Variants in RNF43 observed in about 807,000 individuals in gnomAD.
The protein encoded by RNF43 is ring finger protein 43, also known as E3 ubiquitin-protein ligase RNF43.
RNF43 carries 37 observed loss-of-function variants against 78.4 expected under a neutral mutation model. The ratio of observed to expected loss-of-function variants is 0.47; its 90% CI spans 0.36 to 0.62. The LOEUF (loss-of-function observed/expected upper bound fraction) is 0.62. Among genes scored for constraint, RNF43 ranks in the 20% least tolerant of loss-of-function variants. The probability of loss-of-function intolerance (pLI) is 0.00; values close to 1 mark genes in which losing one functional copy is unlikely to be tolerated. For missense variants in RNF43, 774 were observed against 1,007.9 expected (o/e 0.77, Z 3.14); for synonymous variants, 347 against 395.0 (o/e 0.88, Z 1.44).
At position 58,358,587 on chromosome 17, in the gene RNF43, G is replaced by A. The variant is rs531889929; in HGVS notation, c.1189C>T (p.Arg397Trp). 1.6e-5 allele frequency: 26 copies of A among 1,591,188 alleles called. No individual in the cohort carries two copies. The highest frequency in any genetic ancestry group is 1.7e-4 in the Middle Eastern group (1 of 5,954). ...HHRFPRAAHPRAPGEQQRLAG... is the reference protein window; with the variant it reads ...HHRFPRAAHPWAPGEQQRLAG... ...AGGCGCTGCTGCTCTCCTGGAGCCC[G>A]GGGATGTGCAGCTCTGGGGAAGCGG... The change falls in exon 9 of 10, where the codon CGG (arginine) becomes TGG (tryptophan). Residue 397 changes from arginine to tryptophan, a missense_variant. Arg to Trp is a moderately radical substitution (Grantham distance 101). Coordinates refer to ENST00000407977, the MANE Select transcript of RNF43 (RefSeq NM_017763.6). The surrounding 1 kb of genome is among the most constrained non-coding windows in gnomAD (Gnocchi z 6.2).
At chr17:58,409,519 CA>C (rs1466553849) in intron 2 of RNF43, among the ~76,000 whole-genome samples, 1 of 152,024 alleles carries the variant, frequency 6.6e-6, no homozygotes, top group Non-Finnish European at 1.5e-5. Flanking sequence ...AAAACAAAAA[CA>C]AAAAGCAAAA....
At chr17:58,366,056 C>T (rs565629617) in intron 3 of RNF43, among the ~76,000 whole-genome samples, 8 of 152,356 alleles carry the variant, frequency 5.3e-5, no homozygotes, top group South Asian at 2.1e-4. Flanking sequence ...GAAGCACCTA[C>T]CGTGCCCAGG....
chr17:58,396,509 TG>T (rs1342899010), intron 2 of RNF43, among the ~76,000 whole-genome samples: 1 of 151,934 alleles, frequency 6.6e-6, no homozygotes, highest in Non-Finnish European at 1.5e-5. Flanking sequence ...AAATAATGAG[TG>T]GAAGAGGGGA....
chr17:58,360,940 G>A lies in RNF43; in HGVS notation c.692C>T (p.Pro231Leu), dbSNP rs2680701. The A allele has an allele frequency of 0.17, 272,709 of 1,564,238 alleles. 25,898 individuals are homozygous for A. The highest frequency in any genetic ancestry group is 0.2 in the Non-Finnish European group (228,122 of 1,150,290). ...GGCCCAGGCTGTTCTCTGCTGAAGC[G>A]GATCCTGGGAAGAGGAATGGGGCTC... ...RCRPRHSRPDPLQQRTAWAIS... is the reference protein window; with the variant it reads ...RCRPRHSRPDLLQQRTAWAIS... Residue 231 changes from proline to leucine, a missense_variant, in exon 7 of 10, where the codon CCG becomes CTG. Pro to Leu is a moderately conservative substitution (Grantham distance 98). Coordinates refer to ENST00000407977, the MANE Select transcript of RNF43 (RefSeq NM_017763.6). This position sits in a 1 kb window ranked among gnomAD's most constrained non-coding sequence, Gnocchi z 4.3.
chr17:58,376,965 CCT>C (rs1346023464), intron 2 of RNF43, among the ~76,000 whole-genome samples: 3 of 152,144 alleles, frequency 2.0e-5, no homozygotes, highest in South Asian at 4.1e-4. Flanking sequence ...TTTTATACCC[CCT>C]GTGTAAAGAC....
chr17:58,367,923 A>C (rs947701714), intron 3 of RNF43, among the ~76,000 whole-genome samples: 2 of 147,736 alleles, frequency 1.4e-5, no homozygotes, highest in East Asian at 3.9e-4. Flanking sequence ...CATGGGGCTA[A>C]AAACTTCCAT....
intron 8 of RNF43, among the ~76,000 whole-genome samples, chr17:58,359,654 C>T (rs1276339301): frequency 6.6e-6 from 1 of 151,208 alleles, no homozygotes; most frequent in Non-Finnish European, 1.5e-5. Flanking sequence ...ATGCCAGGCA[C>T]GGTGGCTCAC....
intron 3 of RNF43, among the ~76,000 whole-genome samples, chr17:58,366,992 ATTTTTTTT>A (rs60382535): frequency 8.1e-6 from 1 of 122,796 alleles, no homozygotes; most frequent in African/African-American, 3.2e-5. Context: ...GGCCCGGCTA[ATTTTTTTT>A]TTTTTTTTTT....
intron 2 of RNF43, among the ~76,000 whole-genome samples, chr17:58,391,642 C>A (rs935522450): frequency 4.6e-5 from 7 of 152,174 alleles, no homozygotes; most frequent in African/African-American, 1.7e-4. Flanking sequence ...GCTGAGTTAA[C>A]GATTACAGGC....
In RNF43 at chr17:58,357,960, G is replaced by T. The variant is rs2143398943; in HGVS notation, c.1816C>A (p.Pro606Thr). 1 of 1,611,222 alleles carries T rather than the reference G, an allele frequency of 6.2e-7. No homozygotes were observed. The highest frequency in any genetic ancestry group is 8.5e-7 in the Non-Finnish European group (1 of 1,178,904). Reference protein sequence around the residue: ...QQVTRSNSAAPSGRLSNPQCP... With the variant: ...QQVTRSNSAATSGRLSNPQCP... Reference sequence around the variant, plus strand: ...TGTGGGTTAGAGAGCCGCCCCGAAGGGGCTGCTGAGTTGGATCTGGTGACT... The same window carrying T: ...TGTGGGTTAGAGAGCCGCCCCGAAGTGGCTGCTGAGTTGGATCTGGTGACT... Residue 606 changes from proline (P) to threonine (T), a missense_variant, in exon 9 of 10, where the codon CCT (proline) becomes ACT (threonine). By Grantham distance (38) the Pro-to-Thr change is conservative. Transcript: ENST00000407977. The surrounding 1 kb of genome is among the most constrained non-coding windows in gnomAD (Gnocchi z 4.5).
intron 2 of RNF43, among the ~76,000 whole-genome samples, chr17:58,398,014 G>A (rs1047196307): frequency 2.0e-5 from 3 of 152,134 alleles, no homozygotes; most frequent in Admixed American, 2.0e-4. Flanking sequence ...AAATCCACTT[G>A]TAACTGCTGC....
At chr17:58,363,730 A>T (rs1010319714) in intron 3 of RNF43, 130 bp from the exon 4 acceptor site, 2 of 729,304 alleles carry the variant, frequency 2.7e-6, no homozygotes, top group Admixed American at 2.7e-5. Flanking sequence ...GCACACTCAC[A>T]TCTACCTATG....
At chr17:58,401,003 T>C (rs1391720067) in intron 2 of RNF43, among the ~76,000 whole-genome samples, 1 of 152,094 alleles carries the variant, frequency 6.6e-6, no homozygotes, top group Non-Finnish European at 1.5e-5. Context: ...GTAACCTACA[T>C]TTCTGGGAAA....
intron 2 of RNF43, among the ~76,000 whole-genome samples, chr17:58,395,244 A>G (rs1005293349): frequency 1.3e-5 from 2 of 152,242 alleles, no homozygotes; most frequent in Non-Finnish European, 2.9e-5. Context: ...ACAGCCAAAT[A>G]GTCTGTCATA....
At chr17:58,373,478 A>G (rs1973144240) in intron 2 of RNF43, among the ~76,000 whole-genome samples, 1 of 152,252 alleles carries the variant, frequency 6.6e-6, no homozygotes, top group African/African-American at 2.4e-5. Context: ...GCTTTTAGAC[A>G]TTATTTCACC....
In RNF43 at chr17:58,357,332, T is replaced by C; in HGVS notation, c.2308+136A>G. On this transcript the variant is annotated intron_variant, in intron 9 of 9. Coordinates refer to ENST00000407977, the MANE Select transcript of RNF43 (RefSeq NM_017763.6). This position sits in a 1 kb window ranked among gnomAD's most constrained non-coding sequence, Gnocchi z 4.5. ...CCAGCATGATACGCTGTCCCGATGG[T>C]TAAGTATTTTGGTTGTCATCTCTGC... The C allele has an allele frequency of 9.1e-7, 1 of 1,097,292 alleles. No homozygotes were observed. Among genetic ancestry groups the C allele is most frequent in the Non-Finnish European group, 1.4e-6 (1 of 725,596 alleles). The allele number at this position is 1,097,292 out of a possible 1,614,324, so 68.0% of individuals were successfully genotyped here. A position where few individuals can be genotyped will look rare whatever the true frequency, so the allele number is the denominator to read the frequency against.
chr17:58,372,494 C>G (rs932273095), intron 2 of RNF43, among the ~76,000 whole-genome samples: 1 of 152,184 alleles, frequency 6.6e-6, no homozygotes, highest in Non-Finnish European at 1.5e-5. Flanking sequence ...GCTGTAGCCC[C>G]TGTCTCAACA....
At chr17:58,384,711 G>C (rs1011138624) in intron 2 of RNF43, among the ~76,000 whole-genome samples, 16 of 152,176 alleles carry the variant, frequency 1.1e-4, no homozygotes, top group African/African-American at 3.6e-4. Flanking sequence ...ACCACAGGAA[G>C]AAGCACAGAG....
At chr17:58,359,255 T>C (rs932375966) in intron 8 of RNF43, among the ~76,000 whole-genome samples, 11 of 152,164 alleles carry the variant, frequency 7.2e-5, no homozygotes, top group Admixed American at 2.6e-4. Context: ...TCACCCAGAT[T>C]TAGAATCAAC....
Sources: gnomAD v4.1 joint callset for allele counts (sites outside exome capture counted in the v4.1 genomes callset) on GRCh38, gnomAD v4.1.1 for gene constraint, Gnocchi (gnomAD v3.1) non-coding constraint, MANE v1.5 for transcripts, NCBI Gene and HGNC (gene_info 2026-07-23, HGNC 2026-07-21) for gene names.